Variants in DOCK6 observed in about 807,000 individuals in gnomAD.
The protein encoded by DOCK6 is dedicator of cytokinesis protein 6.
A neutral mutation model predicts 230.3 loss-of-function variants in DOCK6; 167 were observed. The observed-to-expected ratio is 0.73, with a 90% CI of 0.64 to 0.82. DOCK6 has a LOEUF of 0.82. Ranked by LOEUF, DOCK6 falls within the 40% of genes least tolerant of loss-of-function variation. The pLI, the probability that DOCK6 is intolerant of heterozygous loss-of-function variation, is 0.00. For synonymous variants in DOCK6, 1,148 were observed against 1,185.0 expected (o/e 0.97, Z 0.64); for missense variants, 2,598 against 2,825.8 (o/e 0.92, Z 1.83).
Position 11,228,978 on chromosome 19 carries a change from C to T in DOCK6, c.2776G>A (p.Ala926Thr). The T allele has an allele frequency of 6.2e-7, 1 of 1,613,728 alleles. No individual in the cohort carries two copies. Among genetic ancestry groups the T allele is most frequent in the South Asian group, 1.1e-5 (1 of 91,072 alleles). Residue 926 changes from alanine (A) to threonine (T), a missense_variant, in exon 23 of 48, where the codon GCC becomes ACC. Physicochemically the swap from Ala to Thr is moderately conservative, Grantham distance 58. Transcript: ENST00000294618. Reference protein sequence around the residue: ...WVVSSSAVREAILQHAWFFFQ... With the variant: ...WVVSSSAVRETILQHAWFFFQ... ...AAGAACCAGGCGTGCTGGAGGATGG[C>T]CTCGCGTACGGCACTGCTGCTGACC...
chr19:11,241,956 G>C, intron 14 of DOCK6, 89 bp downstream of exon 14: 3 of 1,461,226 alleles, frequency 2.1e-6, no homozygotes, highest in Non-Finnish European at 9.2e-7. Flanking sequence ...CAGGGTGTCT[G>C]TGTGTGTCCT....
At chr19:11,205,144 C>T (rs1212955281) in intron 39 of DOCK6, among the ~76,000 whole-genome samples, 1 of 152,210 alleles carries the variant, frequency 6.6e-6, no homozygotes. Flanking sequence ...GGTTTGCTGA[C>T]TGTCAGAAGG....
intron 39 of DOCK6, among the ~76,000 whole-genome samples, chr19:11,204,767 C>T (rs2079229553): frequency 6.6e-6 from 1 of 152,100 alleles, no homozygotes; most frequent in Non-Finnish European, 1.5e-5. Context: ...GTCTTGAACT[C>T]CTGGGCTCAA....
Position 11,212,156 on chromosome 19 carries a change from A to G in DOCK6, c.4492-5T>C. The stretch of plus-strand genomic sequence containing the variant: ...CATCTTCACACGGGCAAAGTTCTGC[A>G]GGGACAGGGGCGGGAGGGTGGAGCC... On this transcript the variant is annotated splice_polypyrimidine_tract_variant and splice_region_variant and intron_variant, in intron 35 of 47. Transcript: ENST00000294618. 1 of 1,559,750 alleles carries G rather than the reference A, an allele frequency of 6.4e-7. No homozygotes were observed. Among genetic ancestry groups the G allele is most frequent in the South Asian group, 1.1e-5 (1 of 90,220 alleles).
At position 11,204,457 on chromosome 19, in the gene DOCK6, C is replaced by T. The variant is rs377487693; in HGVS notation, c.5089-126G>A. 184 of 1,309,578 alleles carry T rather than the reference C, an allele frequency of 1.4e-4. 2 individuals carry two copies. The East Asian group carries it at 2.3e-3, about 17-fold the overall frequency. The allele number at this position is 1,309,578 out of a possible 1,614,324, so 81.1% of individuals were successfully genotyped here. On this transcript the variant is annotated intron_variant, in intron 39 of 47. Coordinates refer to ENST00000294618, the MANE Select transcript of DOCK6 (RefSeq NM_020812.4). ...CCTCCATCACCTCCTCCAGGAAGCC[C>T]ACCCTGACCACCCCTATCCCAGATA...
At chr19:11,199,705 T>C (rs2079136755) in intron 47 of DOCK6, among the ~76,000 whole-genome samples, 166 bp from the exon 48 acceptor site, 4 of 152,344 alleles carry the variant, frequency 2.6e-5, no homozygotes, top group African/African-American at 7.2e-5. Context: ...TCTCTTGCAG[T>C]CCACCACGGA....
chr19:11,231,886 C>CCATG (rs2079770723), intron 22 of DOCK6, among the ~76,000 whole-genome samples: 2 of 152,144 alleles, frequency 1.3e-5, no homozygotes, highest in African/African-American at 4.8e-5. Context: ...GGTGAACAGG[C>CCATG]CATGCAGGGC....
intron 1 of DOCK6, among the ~76,000 whole-genome samples, chr19:11,256,275 A>AC (rs2080196581): frequency 1.3e-5 from 2 of 152,198 alleles, no homozygotes; most frequent in South Asian, 2.1e-4. Context: ...AGATGCTGGG[A>AC]CAGGGGACAA....
At chr19:11,224,962 G>T (rs1207829499) in intron 24 of DOCK6, among the ~76,000 whole-genome samples, 2 of 152,182 alleles carry the variant, frequency 1.3e-5, no homozygotes, top group Non-Finnish European at 2.9e-5. Flanking sequence ...TACTTGGGAG[G>T]CTGAGCCAGG....
chr19:11,241,791 A>G (rs1336710222), intron 14 of DOCK6: 1 of 1,524,418 alleles, frequency 6.6e-7, no homozygotes, highest in Non-Finnish European at 8.9e-7. Context: ...GGGATCAGCC[A>G]GGGCGCCGGG....
Position 11,200,060 on chromosome 19 carries a change from G to C in DOCK6, c.6101+248C>G, listed in dbSNP as rs939893662. 6.6e-6 allele frequency among the ~76,000 whole-genome samples: 1 copy of C among 151,154 alleles called. No homozygotes were observed. Among genetic ancestry groups the C allele is most frequent in the African/African-American group, 2.4e-5 (1 of 41,080 alleles). ...AGTTACTCAGGAGGCTGAGGCAGGA[G>C]ACTCGCTTGAATCTGGGAGGCGGAG... On this transcript the variant is annotated intron_variant, in intron 47 of 47. Transcript: ENST00000294618. This position sits in a 1 kb window ranked among gnomAD's most constrained non-coding sequence, Gnocchi z 4.3.
rs756498927 is a variant in DOCK6, at chr19:11,227,460, C to G, written c.2832G>C (p.Leu944=). 4 of 1,590,414 alleles carry G rather than the reference C, an allele frequency of 2.5e-6. No individual in the cohort carries two copies. The highest frequency in any genetic ancestry group is 3.4e-6 in the Non-Finnish European group (4 of 1,169,174). Residue 944 remains leucine (L), a synonymous_variant, in exon 24 of 48, where the codon CTG becomes CTC. Coordinates refer to ENST00000294618, the MANE Select transcript of DOCK6 (RefSeq NM_020812.4). ...FFQLMVKSMA[L]HLLLGQRLDT... Reference sequence around the variant, plus strand: ...CTAGTCGCTGGCCAAGCAGCAGGTGCAGCGCCATACTCTTCACCTGGGGGT... The same window carrying G: ...CTAGTCGCTGGCCAAGCAGCAGGTGGAGCGCCATACTCTTCACCTGGGGGT...
In DOCK6 at chr19:11,217,088, G is replaced by T; in HGVS notation, c.3720C>A (p.Arg1240=). 1 of 1,611,670 alleles carries T rather than the reference G, an allele frequency of 6.2e-7. No homozygotes were observed. The highest frequency in any genetic ancestry group is 1.3e-5 in the African/African-American group (1 of 74,986). ...ACTCAGCAGAGAGGGCACAGCCTGC[G>T]CGAGAAGCCTGGGGCCAGAGAGGAA... The part of the protein sequence containing the change: ...SISQGPPTAS[R]AGCALSAESS... The change falls in exon 30 of 48, where the codon CGC becomes CGA. Residue 1240 remains arginine (R), a synonymous_variant. Coordinates refer to ENST00000294618, the MANE Select transcript of DOCK6 (RefSeq NM_020812.4).
At position 11,243,382 on chromosome 19, in the gene DOCK6, C is replaced by A. The variant is rs1221164128; in HGVS notation, c.1262G>T (p.Arg421Leu). The A allele has an allele frequency of 6.2e-7, 1 of 1,601,562 alleles. No individual in the cohort carries two copies. The highest frequency in any genetic ancestry group is 1.1e-5 in the South Asian group (1 of 89,052). ...LDRDSDSEGE[R>L]RPAWTDRRRR... ...GCGGCGGTCTGTCCAGGCTGGCCGG[C>A]GCTCTAGGGGAGGGAATGACAATGA... Residue 421 changes from arginine (R) to leucine (L), a missense_variant, in exon 12 of 48, where the codon CGC (arginine) becomes CTC (leucine). Arg to Leu is a moderately radical substitution (Grantham distance 102). Transcript: ENST00000294618. This position sits in a 1 kb window ranked among gnomAD's most constrained non-coding sequence, Gnocchi z 6.3.
rs752399822 is a variant in DOCK6, at chr19:11,214,651, TG to T, written c.4107-3del. 5.0e-6 allele frequency: 8 copies of T among 1,613,370 alleles called. No homozygotes were observed. In the African/African-American group the frequency reaches 6.7e-5, roughly 13 times the overall value. ...TCGTGTTCCATTTCATCCTTGGTCC[TG>T]GAAGGGGAAAGGAGGTCTTGGGGGC... On this transcript the variant is annotated splice_region_variant and splice_polypyrimidine_tract_variant and intron_variant, in intron 32 of 47. Coordinates refer to ENST00000294618, the MANE Select transcript of DOCK6 (RefSeq NM_020812.4).
intron 22 of DOCK6, among the ~76,000 whole-genome samples, chr19:11,230,354 G>A (rs1599245229): frequency 1.3e-5 from 2 of 152,034 alleles, no homozygotes; most frequent in Non-Finnish European, 2.9e-5. Flanking sequence ...AAAAAAGAAC[G>A]TGATGGAGGA....
At chr19:11,251,354 A>C in intron 5 of DOCK6, 1 of 431,926 alleles carries the variant, frequency 2.3e-6, no homozygotes, top group East Asian at 3.8e-5. Flanking sequence ...GGTCAATCAA[A>C]ACACATCTAC....
intron 28 of DOCK6, among the ~76,000 whole-genome samples, chr19:11,220,793 T>C (rs945917957): frequency 1.8e-4 from 27 of 151,448 alleles, no homozygotes; most frequent in African/African-American, 6.3e-4. Context: ...ATGGATATTT[T>C]ACACTGGAAA....
At chr19:11,244,004 T>G in intron 9 of DOCK6, 122 bp from the exon 10 acceptor site, 2 of 1,020,064 alleles carry the variant, frequency 2.0e-6, no homozygotes, top group Non-Finnish European at 3.0e-6. Context: ...TGAAGGCCTT[T>G]GCTCCAACAC....
Sources: gnomAD v4.1 joint callset for allele counts (sites outside exome capture counted in the v4.1 genomes callset) on GRCh38, gnomAD v4.1.1 for gene constraint, Gnocchi (gnomAD v3.1) non-coding constraint, MANE v1.5 for transcripts, NCBI Gene and HGNC (gene_info 2026-07-23, HGNC 2026-07-21) for gene names.